Variants in CHD1L observed in about 807,000 individuals in gnomAD.
CHD1L encodes chromodomain helicase DNA binding protein 1 like.
A neutral mutation model predicts 115.9 loss-of-function variants in CHD1L; 118 were observed. That is an observed-to-expected ratio of 1.02 (90% CI 0.88 to 1.19). The LOEUF is 1.19. Ranked by LOEUF, CHD1L falls within the 50% of genes most tolerant of loss-of-function variation. CHD1L has a pLI of 0.00. For synonymous variants in CHD1L, 411 were observed against 387.1 expected (o/e 1.06, Z -0.72); for missense variants, 1,179 against 1,065.3 (o/e 1.11, Z -1.49).
At chr1:147,224,719 C>A in the CHD1L span, among the ~76,000 whole-genome samples, 12 of 152,160 alleles carry the variant, frequency 7.9e-5, no homozygotes, top group African/African-American at 2.7e-4. Flanking sequence ...ACCGTGTTAG[C>A]CAGGATGGTC....
At chr1:147,254,424 A>G (rs587595092) in intron 2 of CHD1L, among the ~76,000 whole-genome samples, 52 of 152,260 alleles carry the variant, frequency 3.4e-4, no homozygotes, top group African/African-American at 1.1e-3. Context: ...GAGGAAGGAA[A>G]GCATCCTCCC....
chr1:147,250,454 C>T (rs1035939205), intron 1 of CHD1L, among the ~76,000 whole-genome samples: 28 of 152,024 alleles, frequency 1.8e-4, no homozygotes, highest in African/African-American at 6.5e-4. Context: ...AGCCTCTGTC[C>T]ACATCTGGGG....
chr1:147,207,411 A>T, the CHD1L span, among the ~76,000 whole-genome samples: 2 of 152,198 alleles, frequency 1.3e-5, no homozygotes, highest in African/African-American at 4.8e-5. Context: ...AGTTGGAGGG[A>T]AAATAAATTT....
intron 16 of CHD1L, 42 bp downstream of exon 16, chr1:147,284,541 C>G (rs782440757): frequency 4.2e-6 from 6 of 1,427,788 alleles, no homozygotes; most frequent in Non-Finnish European, 5.5e-6. Flanking sequence ...CTTCCAAACT[C>G]TCATTCTAAA....
the CHD1L span, among the ~76,000 whole-genome samples, chr1:147,190,792 C>T: frequency 1.3e-5 from 2 of 152,028 alleles, no homozygotes; most frequent in South Asian, 2.1e-4. Context: ...ATTAACTCGT[C>T]ATTTAGCATT....
the CHD1L span, chr1:147,186,564 A>T: frequency 9.8e-7 from 1 of 1,023,428 alleles, no homozygotes; most frequent in Non-Finnish European, 1.2e-6. Context: ...TACTCTCCCT[A>T]CCATAAAATT....
intron 14 of CHD1L, 42 bp downstream of exon 14, chr1:147,276,299 T>C (rs782032522): frequency 1.0e-5 from 16 of 1,599,868 alleles, no homozygotes; most frequent in Admixed American, 1.7e-5. Context: ...AATATACCAA[T>C]ACCCTTTGTG....
the CHD1L span, among the ~76,000 whole-genome samples, chr1:147,228,907 T>C: frequency 1.3e-5 from 2 of 152,224 alleles, no homozygotes; most frequent in African/African-American, 4.8e-5. Context: ...TTCTGGATAT[T>C]AGCCCTTTGT....
chr1:147,266,026 A>G lies in CHD1L; in HGVS notation c.834A>G (p.Ile278Met), dbSNP rs886041164. ...TELPKKTEVV[I>M]YHGMSALQKK... Reference sequence around the variant, plus strand: ...TTCCCAAGAAGACAGAAGTAGTGATATACCATGGCATGTCAGCATTGCAGA... The same window carrying G: ...TTCCCAAGAAGACAGAAGTAGTGATGTACCATGGCATGTCAGCATTGCAGA... Residue 278 changes from isoleucine (I) to methionine (M), a missense_variant, in exon 8 of 23, where the codon ATA becomes ATG. Coordinates refer to ENST00000369258, the MANE Select transcript of CHD1L (RefSeq NM_004284.6). 1 of 1,613,898 alleles carries G rather than the reference A, an allele frequency of 6.2e-7. No homozygotes were observed. Among genetic ancestry groups the G allele is most frequent in the Non-Finnish European group, 8.5e-7 (1 of 1,179,840 alleles).
chr1:147,194,736 G>A, the CHD1L span, among the ~76,000 whole-genome samples: 1 of 151,792 alleles, frequency 6.6e-6, no homozygotes, highest in African/African-American at 2.4e-5. Flanking sequence ...TTGCTTGTCT[G>A]TAAAGTATTT....
chr1:147,176,166 A>T, the CHD1L span: 1 of 152,224 alleles, frequency 6.6e-6, no homozygotes, highest in Non-Finnish European at 1.5e-5. Flanking sequence ...TACACAAGAG[A>T]CTACTCAACC....
the CHD1L span, among the ~76,000 whole-genome samples, chr1:147,190,997 T>C: frequency 1.3e-5 from 2 of 152,138 alleles, no homozygotes; most frequent in African/African-American, 4.8e-5. Flanking sequence ...TCCATGTCCC[T>C]ACAAAGGACA....
At chr1:147,180,573 G>A in the CHD1L span, among the ~76,000 whole-genome samples, 1 of 152,224 alleles carries the variant, frequency 6.6e-6, no homozygotes, top group Non-Finnish European at 1.5e-5. Flanking sequence ...CTACAGGCAT[G>A]AGCCACTGCG....
At chr1:147,228,360 T>C in the CHD1L span, among the ~76,000 whole-genome samples, 1 of 152,206 alleles carries the variant, frequency 6.6e-6, no homozygotes, top group African/African-American at 2.4e-5. Context: ...TATGGCTACA[T>C]AGTATTCCAT....
chr1:147,265,141 CAGGT>C (rs781881633), intron 7 of CHD1L, among the ~76,000 whole-genome samples: 1 of 152,106 alleles, frequency 6.6e-6, no homozygotes, highest in African/African-American at 2.4e-5. Context: ...TTTTTCAAAA[CAGGT>C]AGGAGGTATG....
chr1:147,287,426 T>C (rs1553966843), intron 18 of CHD1L, among the ~76,000 whole-genome samples: 1 of 152,244 alleles, frequency 6.6e-6, no homozygotes, highest in African/African-American at 2.4e-5. Flanking sequence ...TGAGATGCTT[T>C]CCTGTTATCA....
rs116120378 is a variant in CHD1L at position 147,261,731 on chromosome 1, A to C, written c.576+1813A>C. Among the ~76,000 whole-genome samples the C allele has an allele frequency of 2.1e-5, 3 of 141,586 alleles. No individual in the cohort carries two copies. The East Asian group carries it at 5.8e-4, about 27-fold the overall frequency. The allele number at this position is 141,586 out of a possible 152,430, so 92.9% of individuals were successfully genotyped here. Reference sequence around the variant, plus strand: ...GTTATTCATAAGGAAACTAAGGCTCAGGGATTAAGTGAAGAAATGGTTCTG... The same window carrying C: ...GTTATTCATAAGGAAACTAAGGCTCCGGGATTAAGTGAAGAAATGGTTCTG... On this transcript the variant is annotated intron_variant, in intron 6 of 22. Coordinates refer to ENST00000369258, the MANE Select transcript of CHD1L (RefSeq NM_004284.6).
the CHD1L span, chr1:147,178,530 C>G: frequency 1.2e-6 from 2 of 1,611,004 alleles, no homozygotes; most frequent in African/African-American, 1.3e-5. Flanking sequence ...CAGTGCCTCT[C>G]AGGACTGAGG....
At chr1:147,261,581 T>C (rs1031197628) in intron 6 of CHD1L, among the ~76,000 whole-genome samples, 9 of 152,178 alleles carry the variant, frequency 5.9e-5, no homozygotes, top group Non-Finnish European at 1.2e-4. Flanking sequence ...TTATGAAAGA[T>C]GGCTTCATAA....
Sources: allele counts gnomAD v4.1 joint callset (sites outside exome capture counted in the v4.1 genomes callset), GRCh38; gene constraint gnomAD v4.1.1; transcripts MANE v1.5; gene names NCBI Gene and HGNC (gene_info 2026-07-23, HGNC 2026-07-21).